The following TSHR variants were observed in gnomAD, a reference collection of about 807,000 sequenced individuals.
The protein encoded by TSHR is thyrotropin receptor.
TSHR carries 51 observed loss-of-function variants against 64.1 expected under a neutral mutation model. The observed-to-expected ratio is 0.80, with a 90% CI of 0.64 to 1.01. The LOEUF (loss-of-function observed/expected upper bound fraction) is 1.01, where lower values mean the gene tolerates loss of function less well. TSHR is among the 50% of genes least tolerant of loss of function. The pLI is 0.00. For synonymous variants in TSHR, 361 were observed against 361.9 expected (o/e 1.00, Z 0.03); for missense variants, 877 against 942.8 (o/e 0.93, Z 0.91).
chr14:81,045,994 A>AT (rs1207813639), intron 1 of TSHR, among the ~76,000 whole-genome samples: 6 of 152,174 alleles, frequency 3.9e-5, no homozygotes, highest in Non-Finnish European at 1.5e-5. Context: ...TGCTGCCTTG[A>AT]TAAGGATGGC....
At chr14:81,105,279 A>G (rs1889820903) in intron 7 of TSHR, 1 of 964,646 alleles carries the variant, frequency 1.0e-6, no homozygotes, top group Non-Finnish European at 1.2e-6. Flanking sequence ...TGATGGAAGC[A>G]CTTTCCTGGA....
chr14:81,097,764 T>C (rs372684783), intron 7 of TSHR, among the ~76,000 whole-genome samples: 100 of 152,316 alleles, frequency 6.6e-4, no homozygotes, highest in African/African-American at 2.2e-3. Flanking sequence ...CTCATTACAC[T>C]GAGGCAAGGC....
chr14:81,051,698 T>C (rs547378887), intron 1 of TSHR: 6 of 152,280 alleles, frequency 3.9e-5, no homozygotes, highest in African/African-American at 7.2e-5. Context: ...TTGCCAACAC[T>C]AGCTAGCATT....
chr14:81,089,372 G>A (rs913732359), intron 4 of TSHR, among the ~76,000 whole-genome samples: 1 of 152,146 alleles, frequency 6.6e-6, no homozygotes, highest in African/African-American at 2.4e-5. Flanking sequence ...AAGGATGTCT[G>A]GAAAGCCATG....
chr14:81,142,678 G>A (rs1487064966), intron 9 of TSHR, among the ~76,000 whole-genome samples: 1 of 140,236 alleles, frequency 7.1e-6, no homozygotes, highest in Non-Finnish European at 1.5e-5. Context: ...GCCTGATCTC[G>A]CCTCACTGCA....
chr14:80,960,987 G>GCA (rs1886992268), intron 1 of TSHR, among the ~76,000 whole-genome samples: 1 of 152,246 alleles, frequency 6.6e-6, no homozygotes, highest in African/African-American at 2.4e-5. Context: ...CTACCTGGGA[G>GCA]TAGTATCCTG....
At chr14:80,965,596 A>G (rs1352670680) in intron 1 of TSHR, among the ~76,000 whole-genome samples, 1 of 152,200 alleles carries the variant, frequency 6.6e-6, no homozygotes, top group African/African-American at 2.4e-5. Flanking sequence ...GCTGGTCAAC[A>G]TACTTAATTA....
In TSHR at chr14:81,096,833, C is replaced by A. The variant is rs886842503; in HGVS notation, c.614+126C>A. The A allele has an allele frequency of 1.7e-5, 18 of 1,077,576 alleles. No homozygotes were observed. The African/African-American group carries it at 2.9e-4, about 17-fold the overall frequency. 66.8% of individuals were successfully genotyped at this position (1,077,576 alleles called of 1,614,324 possible). A position where few individuals can be genotyped will look rare whatever the true frequency, so the allele number is the denominator to read the frequency against. Reference sequence around the variant, plus strand: ...TCCACGCCAGAGTTAGTGTGACCAACATGGAAATGAGGTCAAGGAACTTGG... The same window carrying A: ...TCCACGCCAGAGTTAGTGTGACCAAAATGGAAATGAGGTCAAGGAACTTGG... On this transcript the variant is annotated intron_variant, in intron 7 of 9. Transcript: ENST00000298171.
intron 3 of TSHR, among the ~76,000 whole-genome samples, chr14:81,079,915 T>C (rs1334639344): frequency 6.9e-6 from 1 of 145,274 alleles, no homozygotes; most frequent in African/African-American, 2.5e-5. Context: ...AGAATGTTTT[T>C]ACTTTTATGT....
chr14:81,062,469 C>T (rs537909836), intron 2 of TSHR, among the ~76,000 whole-genome samples: 3 of 152,054 alleles, frequency 2.0e-5, no homozygotes, highest in Admixed American at 6.6e-5. Context: ...TCATAATTCT[C>T]GATGTATTTT....
At chr14:81,103,000 C>G (rs887011633) in intron 7 of TSHR, 2 of 985,220 alleles carry the variant, frequency 2.0e-6, no homozygotes, top group East Asian at 1.1e-4. Flanking sequence ...TCATTCTACC[C>G]TAAGTTTCTG....
chr14:81,139,833 T>C lies in TSHR; in HGVS notation c.847T>C (p.Cys283Arg). ...TRADLSYPSH[C>R]CAFKNQKKIR... The stretch of plus-strand genomic sequence containing the variant: ...GGCTGACCTTTCTTACCCAAGCCAC[T>C]GCTGTGCTTTTAAGAATCAGAAGAA... Residue 283 changes from cysteine to arginine, a missense_variant, in exon 9 of 10, where the codon TGC becomes CGC. By Grantham distance (180) the Cys-to-Arg change is radical. Transcript: ENST00000298171. 1 of 1,614,232 alleles carries C rather than the reference T, an allele frequency of 6.2e-7. No homozygotes were observed. The highest frequency in any genetic ancestry group is 1.1e-5 in the South Asian group (1 of 91,088).
chr14:81,113,624 A>G (rs1391929260), intron 8 of TSHR, among the ~76,000 whole-genome samples: 3 of 152,170 alleles, frequency 2.0e-5, no homozygotes, highest in Admixed American at 6.5e-5. Flanking sequence ...AAATATAAAT[A>G]CATTAAAAAG....
intron 1 of TSHR, among the ~76,000 whole-genome samples, chr14:80,998,729 G>T (rs1889149954): frequency 6.6e-6 from 1 of 151,974 alleles, no homozygotes; most frequent in Admixed American, 6.6e-5. Context: ...GAAACAGTGT[G>T]TGCAATAGAG....
rs1214041262 is a variant in TSHR at position 81,059,734 on chromosome 14, ATTGGT to A, written c.171-2413_171-2409del. Among the ~76,000 whole-genome samples the A allele has an allele frequency of 2.8e-4, 43 of 152,214 alleles. No individual in the cohort carries two copies. In the East Asian group the frequency reaches 8.1e-3, roughly 29 times the overall value. On this transcript the variant is annotated intron_variant, in intron 1 of 9. Transcript: ENST00000298171. Reference sequence around the variant, plus strand: ...ACATAATCCTTATTGGTCTATATATATTGGTGAGCTTTCTTTGGTAAAAAAAATCT... The same window carrying A: ...ACATAATCCTTATTGGTCTATATATAGAGCTTTCTTTGGTAAAAAAAATCT...
Position 81,142,340 on chromosome 14 carries a change from A to G in TSHR, c.882-600A>G, listed in dbSNP as rs560141484. On this transcript the variant is annotated intron_variant, in intron 9 of 9. Coordinates refer to ENST00000298171, the MANE Select transcript of TSHR (RefSeq NM_000369.5). ...AGTGATGTGCCTGCCTTGGCCTCCC[A>G]AAGTGCTGGGATTGAGTCACTACAG... Among the ~76,000 whole-genome samples the G allele has an allele frequency of 5.9e-5, 9 of 152,102 alleles. No homozygotes were observed. In the East Asian group the frequency reaches 1.4e-3, roughly 23 times the overall value.
intron 1 of TSHR, among the ~76,000 whole-genome samples, chr14:81,056,128 G>C (rs1385965197): frequency 6.6e-6 from 1 of 152,134 alleles, no homozygotes; most frequent in African/African-American, 2.4e-5. Context: ...TGATTTTAAA[G>C]ATGGGAGTTT....
chr14:80,963,924 C>T (rs1180972418), intron 1 of TSHR, among the ~76,000 whole-genome samples: 1 of 152,228 alleles, frequency 6.6e-6, no homozygotes, highest in Non-Finnish European at 1.5e-5. Flanking sequence ...TAGTTAATAG[C>T]ATTCCTTTCA....
intron 1 of TSHR, among the ~76,000 whole-genome samples, chr14:81,047,741 A>T (rs1326515248): frequency 6.8e-6 from 1 of 146,848 alleles, no homozygotes; most frequent in Non-Finnish European, 1.5e-5. Context: ...AGCTCATTGC[A>T]AGCTCTGCCA....
Sources: allele counts gnomAD v4.1 joint callset (sites outside exome capture counted in the v4.1 genomes callset), GRCh38; gene constraint gnomAD v4.1.1; transcripts MANE v1.5; gene names NCBI Gene and HGNC (gene_info 2026-07-23, HGNC 2026-07-21).